LSP1: variants seen among roughly 807,000 people sequenced by gnomAD.
LSP1 encodes lymphocyte specific protein 1.
LSP1 carries 32 observed loss-of-function variants against 49.3 expected under a neutral mutation model. The ratio of observed to expected loss-of-function variants is 0.65; its 90% CI spans 0.49 to 0.87. LSP1 has a LOEUF of 0.87. LSP1 is among the 40% of genes least tolerant of loss of function. LSP1 has a pLI of 0.00. For missense variants in LSP1, 428 were observed against 442.6 expected, an observed-to-expected ratio of 0.97 and a Z score of 0.30; for synonymous variants, 179 against 178.8, an observed-to-expected ratio of 1.00 and a Z score of -0.01.
At chr11:1,863,690 C>T (rs1847701995) in intron 1 of LSP1, 1 of 152,272 alleles carries the variant, frequency 6.6e-6, no homozygotes, top group African/African-American at 2.4e-5. Context: ...CAGTGAGTCA[C>T]AGCAGCCAAG....
At position 1,884,340 on chromosome 11, in the gene LSP1, G is replaced by A. The variant is rs1305452383; in HGVS notation, c.635+17G>A. The A allele has an allele frequency of 6.2e-7, 1 of 1,613,944 alleles. No individual in the cohort carries two copies. The highest frequency in any genetic ancestry group is 8.5e-7 in the Non-Finnish European group (1 of 1,179,988). On this transcript the variant is annotated intron_variant, in intron 6 of 10. Coordinates refer to ENST00000311604, the MANE Select transcript of LSP1 (RefSeq NM_002339.3). The surrounding 1 kb of genome is among the most constrained non-coding windows in gnomAD (Gnocchi z 4.1). ...AGAGAAGAGGTCTGTCTGTCTGTCTGTCTGCTTTCTGGGCTCAGATCTTAG... is the reference window on the plus strand; with the variant it reads ...AGAGAAGAGGTCTGTCTGTCTGTCTATCTGCTTTCTGGGCTCAGATCTTAG...
intron 1 of LSP1, among the ~76,000 whole-genome samples, chr11:1,853,563 A>T (rs1485757152): frequency 6.6e-6 from 1 of 152,032 alleles, no homozygotes; most frequent in Non-Finnish European, 1.5e-5. Context: ...GGAAGAGGCA[A>T]GGTGGGGGCT....
chr11:1,874,909 G>A (rs560906010), intron 1 of LSP1, among the ~76,000 whole-genome samples: 46 of 152,248 alleles, frequency 3.0e-4, no homozygotes, highest in African/African-American at 1.0e-3. Flanking sequence ...CAACACTGCC[G>A]GCTGGGGCTG....
At chr11:1,873,863 T>TGGCAGAGCAGGGAGGCC (rs1565079151) in intron 1 of LSP1, among the ~76,000 whole-genome samples, 9 of 67,370 alleles carry the variant, frequency 1.3e-4, no homozygotes, top group Non-Finnish European at 2.7e-4. Flanking sequence ...GGAGGGAGGC[T>TGGCAGAGCAGGGAGGCC]GGCAGAGGAG....
At chr11:1,877,808 G>C (rs1014529203) in intron 1 of LSP1, among the ~76,000 whole-genome samples, 1 of 152,186 alleles carries the variant, frequency 6.6e-6, no homozygotes, top group Non-Finnish European at 1.5e-5. Context: ...GTGTGCACCT[G>C]CGTGTGCCCC....
intron 1 of LSP1, chr11:1,871,213 G>A (rs1847989038): frequency 3.0e-6 from 3 of 986,408 alleles, no homozygotes; most frequent in Non-Finnish European, 3.6e-6. Context: ...GAGGAGGGGG[G>A]AAGAAAGAGC....
chr11:1,859,709 C>G (rs1847576415), intron 1 of LSP1, among the ~76,000 whole-genome samples: 1 of 145,986 alleles, frequency 6.8e-6, no homozygotes. Context: ...CAGCCCCCAG[C>G]CCCCAGCCCC....
At position 1,886,969 on chromosome 11, in the gene LSP1, A is replaced by G. The variant is rs1347965157; in HGVS notation, c.852+103A>G. The stretch of plus-strand genomic sequence containing the variant: ...TAAGACAAGCATGGGACTGTCCAGG[A>G]TGAATGTGGGTATACAGAACCCTGA... On this transcript the variant is annotated intron_variant, in intron 8 of 10. Coordinates refer to ENST00000311604, the MANE Select transcript of LSP1 (RefSeq NM_002339.3). 5 of 1,418,222 alleles carry G rather than the reference A, an allele frequency of 3.5e-6. No individual in the cohort carries two copies. In the South Asian group the frequency reaches 6.7e-5, roughly 19 times the overall value. 87.9% of individuals were successfully genotyped at this position (1,418,222 alleles called of 1,614,324 possible). A position where few individuals can be genotyped will look rare whatever the true frequency, so the allele number is the denominator to read the frequency against.
At chr11:1,865,342 G>A (rs1355587807) in intron 1 of LSP1, 2 of 646,794 alleles carry the variant, frequency 3.1e-6, no homozygotes, top group African/African-American at 2.0e-5. Context: ...CCGGGCCACT[G>A]GGCCTCCCCC....
chr11:1,889,301 G>C, intron 10 of LSP1: 1 of 704,526 alleles, frequency 1.4e-6, no homozygotes, highest in Non-Finnish European at 2.6e-6. Context: ...GGGTGAGGCT[G>C]GCTGGGGTGT....
chr11:1,889,575 C>T (rs368536969), intron 10 of LSP1: 19 of 611,936 alleles, frequency 3.1e-5, no homozygotes, highest in South Asian at 9.7e-5. Flanking sequence ...GCCACTGAGC[C>T]GGGGCTTGGG....
chr11:1,873,500 TGGAGGGAGGGAG>T (rs80276862), intron 1 of LSP1, among the ~76,000 whole-genome samples: 1 of 94,788 alleles, frequency 1.1e-5, no homozygotes, highest in Non-Finnish European at 2.0e-5. Context: ...TAAGGAAAGA[TGGAGGGAGGGAG>T]GGAGGGAGGG....
In LSP1 at chr11:1,884,504, A is replaced by C. The variant is rs1172211080; in HGVS notation, c.640A>C (p.Ser214Arg). ...GACACATCTTCTACCCTCCAGTAACAGTGTGAAGAAATCCCAGCCAGACTT... is the reference window on the plus strand; with the variant it reads ...GACACATCTTCTACCCTCCAGTAACCGTGTGAAGAAATCCCAGCCAGACTT... ...SLNRSIEKSN[S>R]VKKSQPDLPI... The change falls in exon 7 of 11, where the codon AGT becomes CGT. Residue 214 changes from serine to arginine, a missense_variant. Transcript: ENST00000311604. This position sits in a 1 kb window ranked among gnomAD's most constrained non-coding sequence, Gnocchi z 4.1. The C allele has an allele frequency of 1.2e-6, 2 of 1,613,448 alleles. No homozygotes were observed. Among genetic ancestry groups the C allele is most frequent in the East Asian group, 4.5e-5 (2 of 44,886 alleles).
chr11:1,888,241 C>G (rs2133135747), intron 10 of LSP1, among the ~76,000 whole-genome samples: 1 of 152,328 alleles, frequency 6.6e-6, no homozygotes, highest in African/African-American at 2.4e-5. Flanking sequence ...CTCTGTGTCC[C>G]TCTCCTGTGG....
At chr11:1,853,268 G>T in intron 1 of LSP1, 71 bp downstream of exon 1, 1 of 1,517,194 alleles carries the variant, frequency 6.6e-7, no homozygotes, top group Non-Finnish European at 8.9e-7. Flanking sequence ...GCTGCATGGA[G>T]GGTGGAGAAC....
intron 1 of LSP1, chr11:1,871,007 G>C (rs187807378): frequency 3.0e-6 from 3 of 985,518 alleles, no homozygotes; most frequent in Admixed American, 6.1e-5. Flanking sequence ...CCCTCCTGCG[G>C]GAAGCAGGCA....
chr11:1,878,979 GGACCCCAAGAAGC>G (rs1399404011), intron 1 of LSP1, among the ~76,000 whole-genome samples: 1 of 151,924 alleles, frequency 6.6e-6, no homozygotes, highest in African/African-American at 2.4e-5. Flanking sequence ...GGGGCGCGTG[GGACCCCAAGAAGC>G]CATGGTTTCA....
intron 1 of LSP1, chr11:1,876,574 G>C: frequency 1.0e-6 from 1 of 985,638 alleles, no homozygotes; most frequent in Non-Finnish European, 1.2e-6. Context: ...GGAGCTGCCT[G>C]CAGGGGGCAG....
At position 1,870,469 on chromosome 11, in the gene LSP1, C is replaced by T. The variant is rs749977230; in HGVS notation, c.54-9618C>T. 51 of 1,194,414 alleles carry T rather than the reference C, an allele frequency of 4.3e-5. 1 individual carries two copies. The East Asian group carries it at 7.7e-4, about 18-fold the overall frequency. The allele number at this position is 1,194,414 out of a possible 1,614,324, so 74.0% of individuals were successfully genotyped here. ...AGGGGCTGGTCAGCCATGAAAGCTT[C>T]GGGGAGGGGCCGGTGGCCAGGCCGG... On this transcript the variant is annotated intron_variant, in intron 1 of 10. Transcript: ENST00000311604.
Sources: gnomAD v4.1 joint callset for allele counts (sites outside exome capture counted in the v4.1 genomes callset) on GRCh38, gnomAD v4.1.1 for gene constraint, Gnocchi (gnomAD v3.1) non-coding constraint, MANE v1.5 for transcripts, NCBI Gene and HGNC (gene_info 2026-07-23, HGNC 2026-07-21) for gene names.